Variants in TF observed in about 807,000 individuals in gnomAD.
TF encodes transferrin.
A neutral mutation model predicts 82.4 loss-of-function variants in TF; 55 were observed. The observed-to-expected ratio is 0.67, with a 90% CI of 0.54 to 0.84. The LOEUF is 0.84. Ranked by LOEUF, TF falls within the 40% of genes least tolerant of loss-of-function variation. The probability of loss-of-function intolerance (pLI) is 0.00; values close to 1 mark genes in which losing one functional copy is unlikely to be tolerated. For synonymous variants in TF, 332 were observed against 332.6 expected, an observed-to-expected ratio of 1.00 and a Z score of 0.02; for missense variants, 737 against 868.4, an observed-to-expected ratio of 0.85 and a Z score of 1.90.
At chr3:133,770,284 C>CA (rs1559876889) in intron 13 of TF, among the ~76,000 whole-genome samples, 1 of 152,144 alleles carries the variant, frequency 6.6e-6, no homozygotes, top group Non-Finnish European at 1.5e-5. Context: ...AGAAACAGTA[C>CA]AAAAAATTAA....
At chr3:133,732,788 A>G in the TF span, among the ~76,000 whole-genome samples, 32 of 151,552 alleles carry the variant, frequency 2.1e-4, no homozygotes, top group Non-Finnish European at 3.5e-4. Context: ...TTGTTCTTGA[A>G]CTCAGCGAGA....
chr3:133,711,368 T>A, the TF span, among the ~76,000 whole-genome samples: 1 of 152,200 alleles, frequency 6.6e-6, no homozygotes, highest in Non-Finnish European at 1.5e-5. Flanking sequence ...GACATGTATG[T>A]ATTTAACTGC....
At position 133,794,241 on chromosome 3, in the gene TF, A is replaced by G. The variant is rs1314716804; in HGVS notation, c.*15621A>G. 1 of 152,246 alleles carries G rather than the reference A, an allele frequency of 6.6e-6. No homozygotes were observed. The highest frequency in any genetic ancestry group is 1.5e-5 in the Non-Finnish European group (1 of 68,042). 9.4% of individuals were successfully genotyped at this position (152,246 alleles called of 1,614,324 possible). ...TTACATGACTCGTCACGGAAAAGAT[A>G]AAATGATCCAAATTGAATATATTGA... On this transcript the variant is annotated 3_prime_UTR_variant, in exon 17 of 17. Transcript: ENST00000402696.
At position 133,780,805 on chromosome 3, in the gene TF, G is replaced by C. The variant is rs1339186729; in HGVS notation, c.*2185G>C. 1 of 152,162 alleles carries C rather than the reference G, an allele frequency of 6.6e-6. No homozygotes were observed. The highest frequency in any genetic ancestry group is 2.4e-5 in the African/African-American group (1 of 41,416). 9.4% of individuals were successfully genotyped at this position (152,162 alleles called of 1,614,324 possible). A position where few individuals can be genotyped will look rare whatever the true frequency, so the allele number is the denominator to read the frequency against. ...AGGTGGGTGGATCACCTGAGGTCAG[G>C]AGTTCAAGACCAGCCTGGCCAACAT... On this transcript the variant is annotated 3_prime_UTR_variant, in exon 17 of 17. Transcript: ENST00000402696.
intron 14 of TF, among the ~76,000 whole-genome samples, chr3:133,771,987 A>G (rs531397968): frequency 6.6e-6 from 1 of 152,068 alleles, no homozygotes; most frequent in South Asian, 2.1e-4. Flanking sequence ...TGGGCAACTC[A>G]TCCAGAATGA....
In TF at chr3:133,768,034, T is replaced by G. The variant is rs778098287; in HGVS notation, c.1492T>G (p.Phe498Val). Residue 498 changes from phenylalanine (F) to valine (V), a missense_variant, in exon 13 of 17, where the codon TTT (phenylalanine) becomes GTT (valine). Physicochemically the swap from Phe to Val is conservative, Grantham distance 50. Coordinates refer to ENST00000402696, the MANE Select transcript of TF (RefSeq NM_001063.4). ...NKINHCRFDEFFSEGCAPGSK... is the reference protein window; with the variant it reads ...NKINHCRFDEVFSEGCAPGSK... ...CCTCTTGTCCTTCTGCACAGATGAA[T>G]TTTTCAGTGAAGGTTGTGCCCCTGG... is the stretch of plus-strand genomic sequence containing the variant. 4 of 1,614,084 alleles carry G rather than the reference T, an allele frequency of 2.5e-6. No individual in the cohort carries two copies. In the South Asian group the frequency reaches 4.4e-5, roughly 18 times the overall value.
At chr3:133,744,047 C>T (rs1933444349), upstream of TF, among the ~76,000 whole-genome samples, 1 of 152,218 alleles carries the variant, frequency 6.6e-6, no homozygotes, top group African/African-American at 2.4e-5. Flanking sequence ...CTTGTCTGAG[C>T]TTCCTTCATA....
chr3:133,737,722 A>C, the TF span, among the ~76,000 whole-genome samples: 2 of 152,370 alleles, frequency 1.3e-5, no homozygotes, highest in African/African-American at 4.8e-5. Flanking sequence ...GAAGAAATGG[A>C]TAAATTCCTG....
the TF span, among the ~76,000 whole-genome samples, chr3:133,704,908 T>C: frequency 2.1e-3 from 309 of 146,250 alleles, 1 homozygote; most frequent in Admixed American, 4.5e-3. Context: ...ACATTATCTT[T>C]CAAAACAAAA....
rs972606828 is a variant in TF, at chr3:133,778,443, A to T, written c.2063-143A>T. On this transcript the variant is annotated intron_variant, in intron 16 of 16. Transcript: ENST00000402696. ...GCTGTGCAGGCAAGTAGAAAAGAGC[A>T]CTGGGAGAACGGCCCAGTTCACAGA... 8.8e-6 allele frequency: 7 copies of T among 792,062 alleles called. No homozygotes were observed. In the African/African-American group the frequency reaches 1.2e-4, roughly 14 times the overall value. The allele number at this position is 792,062 out of a possible 1,614,324, so 49.1% of individuals were successfully genotyped here.
chr3:133,731,166 C>T, the TF span, among the ~76,000 whole-genome samples: 1 of 152,096 alleles, frequency 6.6e-6, no homozygotes. Flanking sequence ...GTAGAAGGAT[C>T]AGTGATCAGT....
At chr3:133,751,420 A>T (rs1325472573) in intron 2 of TF, among the ~76,000 whole-genome samples, 1 of 151,628 alleles carries the variant, frequency 6.6e-6, no homozygotes, top group Non-Finnish European at 1.5e-5. Context: ...TTTAGTAGAG[A>T]CGGGGTTTCA....
chr3:133,748,198 G>A, intron 1 of TF: 2 of 624,026 alleles, frequency 3.2e-6, no homozygotes, highest in Non-Finnish European at 5.7e-6. Context: ...GGCCAGCAGA[G>A]GGTGGTCAGT....
chr3:133,747,065 A>C (rs972892182), intron 1 of TF: 1 of 158,456 alleles, frequency 6.3e-6, no homozygotes, highest in Admixed American at 6.0e-5. Context: ...GATGTTGCAC[A>C]CATCCTGCTA....
At chr3:133,744,887 C>A (rs538010662), upstream of TF, among the ~76,000 whole-genome samples, 1 of 152,302 alleles carries the variant, frequency 6.6e-6, no homozygotes, top group Non-Finnish European at 1.5e-5. Flanking sequence ...TGAATTGGCC[C>A]TATCTCCCAC....
the TF span, among the ~76,000 whole-genome samples, chr3:133,714,332 T>A: frequency 3.3e-5 from 5 of 152,304 alleles, no homozygotes; most frequent in Middle Eastern, 3.4e-3. Context: ...ATGAGTTATG[T>A]GAACAATGTA....
the TF span, among the ~76,000 whole-genome samples, chr3:133,668,198 C>T: frequency 6.6e-6 from 1 of 152,222 alleles, no homozygotes; most frequent in African/African-American, 2.4e-5. Flanking sequence ...TAATTGCTTT[C>T]TGAACCCAAC....
chr3:133,716,920 C>T, the TF span, among the ~76,000 whole-genome samples: 2,518 of 152,236 alleles, frequency 0.017, 52 homozygotes, highest in South Asian at 0.091. Flanking sequence ...TGCACTTGGT[C>T]CTACCCCCAT....
At chr3:133,754,264 T>C (rs1005680691) in intron 3 of TF, among the ~76,000 whole-genome samples, 2 of 152,248 alleles carry the variant, frequency 1.3e-5, no homozygotes, top group African/African-American at 4.8e-5. Context: ...CATGTGCGTG[T>C]GGCCTTCTTG....
Sources: gnomAD v4.1 joint callset for allele counts (sites outside exome capture counted in the v4.1 genomes callset) on GRCh38, gnomAD v4.1.1 for gene constraint, MANE v1.5 for transcripts, NCBI Gene and HGNC (gene_info 2026-07-23, HGNC 2026-07-21) for gene names.